SEMA3A: variants seen among roughly 807,000 people sequenced by gnomAD.
SEMA3A encodes semaphorin-3A.
In SEMA3A, 29 loss-of-function variants were observed where a neutral mutation model predicts 97.9. The observed-to-expected ratio is 0.30, with a 90% CI of 0.22 to 0.40. The LOEUF (loss-of-function observed/expected upper bound fraction) is 0.40. Ranked by LOEUF, SEMA3A falls within the 10% of genes least tolerant of loss-of-function variation. The pLI is 1.00. For missense variants in SEMA3A, 763 were observed against 951.3 expected (o/e 0.80, Z 2.60); for synonymous variants, 321 against 323.7 (o/e 0.99, Z 0.09).
chr7:83,994,046 C>A (rs1207946407), intron 12 of SEMA3A, among the ~76,000 whole-genome samples: 3 of 150,112 alleles, frequency 2.0e-5, no homozygotes, highest in Non-Finnish European at 4.4e-5. Context: ...AACTTCCCTT[C>A]TCGCCTCATT....
intron 1 of SEMA3A, among the ~76,000 whole-genome samples, chr7:84,167,425 G>T (rs571054564): frequency 6.6e-6 from 1 of 152,238 alleles, no homozygotes; most frequent in Admixed American, 6.5e-5. Context: ...ACATGGCCTG[G>T]TATCATAACT....
chr7:84,423,666 A>C (rs896786978), intron 1 of SEMA3A, among the ~76,000 whole-genome samples: 9 of 152,028 alleles, frequency 5.9e-5, no homozygotes, highest in Admixed American at 4.6e-4. Context: ...CCCCAAATGA[A>C]TATAAGCTTT....
At chr7:84,306,368 C>G (rs1012379816) in intron 3 of SEMA3A, 8 of 151,738 alleles carry the variant, frequency 5.3e-5, no homozygotes, top group African/African-American at 1.9e-4. Context: ...AAAATCAAAA[C>G]AAAATTGACA....
At chr7:84,430,789 T>TGTGTGTGTG (rs1562945573) in intron 1 of SEMA3A, among the ~76,000 whole-genome samples, 4 of 143,332 alleles carry the variant, frequency 2.8e-5, no homozygotes, top group African/African-American at 1.0e-4. Context: ...AACATAAAAT[T>TGTGTGTGTG]TGTGTGTGTG....
At chr7:84,350,926 A>C (rs1434550059) in intron 2 of SEMA3A, among the ~76,000 whole-genome samples, 1 of 152,140 alleles carries the variant, frequency 6.6e-6, no homozygotes, top group African/African-American at 2.4e-5. Flanking sequence ...GTGATTGCGA[A>C]GTGTAAAAGT....
At chr7:84,125,311 T>A (rs1320322023) in intron 3 of SEMA3A, among the ~76,000 whole-genome samples, 1 of 152,238 alleles carries the variant, frequency 6.6e-6, no homozygotes, top group Non-Finnish European at 1.5e-5. Context: ...TACAAGGTGC[T>A]GTGAAATGAT....
intron 3 of SEMA3A, among the ~76,000 whole-genome samples, chr7:84,204,535 A>G (rs1798440257): frequency 6.6e-6 from 1 of 152,012 alleles, no homozygotes; most frequent in Non-Finnish European, 1.5e-5. Context: ...AAAATTAGTG[A>G]CTCCGAAATG....
intron 1 of SEMA3A, among the ~76,000 whole-genome samples, chr7:84,388,360 T>C (rs1803453883): frequency 6.6e-6 from 1 of 152,140 alleles, no homozygotes; most frequent in African/African-American, 2.4e-5. Context: ...GTATGCTTTT[T>C]GAAGACTCAA....
At chr7:84,012,142 A>C (rs925618758) in intron 7 of SEMA3A, among the ~76,000 whole-genome samples, 7 of 152,188 alleles carry the variant, frequency 4.6e-5, no homozygotes, top group Admixed American at 1.3e-4. Context: ...AATGAGTTTA[A>C]GAGATCTATT....
chr7:84,004,693 A>G (rs1333308503), intron 11 of SEMA3A, among the ~76,000 whole-genome samples: 2 of 152,186 alleles, frequency 1.3e-5, no homozygotes, highest in Admixed American at 1.3e-4. Flanking sequence ...GATTAAACTT[A>G]TCTACTTGTC....
At chr7:84,195,300 G>A (rs1470703557), upstream of SEMA3A, 1 of 152,180 alleles carries the variant, frequency 6.6e-6, no homozygotes, top group African/African-American at 2.4e-5. Flanking sequence ...CCCAAGGCAA[G>A]CGTTGTTTTA....
At chr7:84,468,817 C>A (rs1806069269) in intron 1 of SEMA3A, among the ~76,000 whole-genome samples, 1 of 146,524 alleles carries the variant, frequency 6.8e-6, no homozygotes, top group Admixed American at 6.8e-5. Context: ...TTTTTATTTT[C>A]TTTTTTTTTT....
intron 3 of SEMA3A, among the ~76,000 whole-genome samples, chr7:84,126,871 T>C (rs1420133502): frequency 6.6e-6 from 1 of 152,232 alleles, no homozygotes; most frequent in African/African-American, 2.4e-5. Context: ...ACTTGCTCAG[T>C]ACATTCATGA....
chr7:84,189,772 C>A (rs559140356), intron 1 of SEMA3A, among the ~76,000 whole-genome samples: 35 of 151,452 alleles, frequency 2.3e-4, no homozygotes, highest in Non-Finnish European at 4.7e-4. Context: ...AAACGTATTC[C>A]TGAAAGATCC....
chr7:84,434,194 T>C (rs536068229), intron 1 of SEMA3A, among the ~76,000 whole-genome samples: 1 of 152,254 alleles, frequency 6.6e-6, no homozygotes, highest in African/African-American at 2.4e-5. Context: ...TTTTTTCTTG[T>C]TTATTGGCTG....
chr7:84,439,306 A>C (rs1353321636), intron 1 of SEMA3A, among the ~76,000 whole-genome samples: 1 of 152,132 alleles, frequency 6.6e-6, no homozygotes, highest in African/African-American at 2.4e-5. Context: ...TGTAGAATGT[A>C]CAAGGAAGCA....
At chr7:84,172,885 A>G (rs1797436179) in intron 1 of SEMA3A, among the ~76,000 whole-genome samples, 1 of 152,186 alleles carries the variant, frequency 6.6e-6, no homozygotes, top group Non-Finnish European at 1.5e-5. Context: ...TCTAGAAAAA[A>G]CATAAATTTC....
chr7:84,432,716 A>T (rs1360138816), intron 1 of SEMA3A, among the ~76,000 whole-genome samples: 4 of 152,082 alleles, frequency 2.6e-5, no homozygotes, highest in Non-Finnish European at 5.9e-5. Context: ...AAAAGACATA[A>T]TTTCATTTCT....
chr7:84,003,243 T>C (rs544886644), intron 11 of SEMA3A, among the ~76,000 whole-genome samples: 1 of 152,218 alleles, frequency 6.6e-6, no homozygotes, highest in South Asian at 2.1e-4. Context: ...CCCTTCTGTA[T>C]TTACAGGACC....
Sources: allele counts gnomAD v4.1 joint callset (sites outside exome capture counted in the v4.1 genomes callset), GRCh38; gene constraint gnomAD v4.1.1; transcripts MANE v1.5; gene names NCBI Gene and HGNC (gene_info 2026-07-23, HGNC 2026-07-21).